PDE1C: variants seen among roughly 807,000 people sequenced by gnomAD.
PDE1C encodes dual specificity calcium/calmodulin-dependent 3',5'-cyclic nucleotide phosphodiesterase 1C.
PDE1C carries 62 observed loss-of-function variants against 93.1 expected under a neutral mutation model. The observed-to-expected ratio is 0.67, with a 90% CI of 0.54 to 0.82. PDE1C has a LOEUF of 0.82. PDE1C is among the 40% of genes least tolerant of loss of function. The pLI is 0.00. For missense variants in PDE1C, 742 were observed against 884.6 expected (o/e 0.84, Z 2.04); for synonymous variants, 325 against 310.1 (o/e 1.05, Z -0.50).
chr7:32,296,765 C>A (rs1286665034), intron 1 of PDE1C, among the ~76,000 whole-genome samples: 1 of 152,202 alleles, frequency 6.6e-6, no homozygotes, highest in East Asian at 1.9e-4. Context: ...GTCAAGAAAA[C>A]CAATTTAACA....
At chr7:31,808,294 T>A (rs1456906182) in intron 16 of PDE1C, 1 of 376,802 alleles carries the variant, frequency 2.7e-6, no homozygotes, top group Admixed American at 3.4e-5. Flanking sequence ...GAAACTTTAA[T>A]TTTTAGCTTA....
At chr7:31,964,508 T>C (rs1223280393) in intron 2 of PDE1C, among the ~76,000 whole-genome samples, 1 of 152,234 alleles carries the variant, frequency 6.6e-6, no homozygotes, top group Admixed American at 6.5e-5. Context: ...CCTGCCTGCC[T>C]CTGTAGGCTC....
the PDE1C span, among the ~76,000 whole-genome samples, chr7:31,685,040 T>C: frequency 6.6e-6 from 1 of 152,012 alleles, no homozygotes; most frequent in Non-Finnish European, 1.5e-5. Flanking sequence ...GTCCATTCTA[T>C]GGAATACTAT....
chr7:32,350,584 ATATATATT>A (rs1481109802), intron 1 of PDE1C, among the ~76,000 whole-genome samples: 2 of 272 alleles, frequency 7.4e-3, no homozygotes, highest in African/African-American at 9.2e-3. Flanking sequence ...ATATATATAT[ATATATATT>A]TTTTTTTTTT....
At chr7:32,174,669 T>A (rs1315100873) in intron 2 of PDE1C, among the ~76,000 whole-genome samples, 1 of 151,770 alleles carries the variant, frequency 6.6e-6, no homozygotes, top group Non-Finnish European at 1.5e-5. Context: ...TTGAATAAAA[T>A]GCTACTCATT....
In PDE1C at chr7:32,274,372, C is replaced by CT. The variant is rs35725532; in HGVS notation, c.85+24278dup. On this transcript the variant is annotated intron_variant, in intron 1 of 18. Coordinates refer to the PDE1C transcript ENST00000396193. The stretch of plus-strand genomic sequence containing the variant: ...ACAGGTGTGCACCAGCATGTCTGGC[C>CT]TTTTTTTTTTTTTTTCTTAAGAAAT... 8.1e-3 allele frequency among the ~76,000 whole-genome samples: 1,077 copies of CT among 132,638 alleles called. 21 individuals carry two copies. The highest frequency in any genetic ancestry group is 0.019 in the Middle Eastern group (5 of 266). 87.0% of individuals were successfully genotyped at this position (132,638 alleles called of 152,430 possible). A position where few individuals can be genotyped will look rare whatever the true frequency, so the allele number is the denominator to read the frequency against.
intron 1 of PDE1C, among the ~76,000 whole-genome samples, chr7:32,407,075 A>G (rs1323394115): frequency 2.0e-5 from 3 of 152,178 alleles, no homozygotes. Flanking sequence ...GGAGCTCGAG[A>G]CCAGCCTGGC....
At chr7:31,936,192 C>T (rs1476221866) in intron 2 of PDE1C, among the ~76,000 whole-genome samples, 1 of 151,746 alleles carries the variant, frequency 6.6e-6, no homozygotes. Flanking sequence ...GCTATATACT[C>T]AACATTTGTT....
chr7:31,824,571 G>T (rs1374910556), intron 13 of PDE1C, among the ~76,000 whole-genome samples: 2 of 152,080 alleles, frequency 1.3e-5, no homozygotes, highest in Non-Finnish European at 2.9e-5. Flanking sequence ...TATTACATGA[G>T]CAAGGATTGT....
intron 2 of PDE1C, among the ~76,000 whole-genome samples, chr7:31,907,826 G>A (rs946874560): frequency 7.2e-5 from 11 of 151,952 alleles, no homozygotes; most frequent in African/African-American, 2.4e-4. Flanking sequence ...CTTGTACAGA[G>A]TAATTTACTT....
At chr7:31,824,725 A>T in intron 13 of PDE1C, 142 bp downstream of exon 13, 1 of 1,017,084 alleles carries the variant, frequency 9.8e-7, no homozygotes, top group South Asian at 1.6e-5. Flanking sequence ...CTCTGAGAAA[A>T]GGAAAGAGGC....
intron 2 of PDE1C, among the ~76,000 whole-genome samples, chr7:31,911,697 T>C (rs532649572): frequency 1.3e-5 from 2 of 152,170 alleles, no homozygotes; most frequent in Non-Finnish European, 2.9e-5. Flanking sequence ...CACTGAAAAC[T>C]GTCACCACCA....
At chr7:32,235,270 G>A (rs1240713209) in intron 1 of PDE1C, among the ~76,000 whole-genome samples, 1 of 151,960 alleles carries the variant, frequency 6.6e-6, no homozygotes, top group Non-Finnish European at 1.5e-5. Context: ...CCTAGCCAGT[G>A]CAATAAGGCA....
At chr7:31,738,833 C>T in the PDE1C span, among the ~76,000 whole-genome samples, 1 of 152,156 alleles carries the variant, frequency 6.6e-6, no homozygotes, top group African/African-American at 2.4e-5. Context: ...GCATGTTCTC[C>T]CAGGTAGACC....
At chr7:31,793,259 G>A (rs189746144) in intron 16 of PDE1C, among the ~76,000 whole-genome samples, 167 of 152,160 alleles carry the variant, frequency 1.1e-3, no homozygotes, top group African/African-American at 3.7e-3. Flanking sequence ...TTCTAAAGAT[G>A]TGTTTATCCA....
chr7:32,294,707 C>T (rs1812528828), intron 1 of PDE1C, among the ~76,000 whole-genome samples: 4 of 152,222 alleles, frequency 2.6e-5, no homozygotes. Context: ...GACATCCAAA[C>T]TCCAGAAGGA....
At chr7:31,688,055 T>C in the PDE1C span, among the ~76,000 whole-genome samples, 419 of 152,322 alleles carry the variant, frequency 2.8e-3, 1 homozygote, top group African/African-American at 9.3e-3. Flanking sequence ...GAGATAATTC[T>C]GATAGATCAA....
the PDE1C span, among the ~76,000 whole-genome samples, chr7:31,730,917 A>T: frequency 1.3e-5 from 2 of 152,096 alleles, no homozygotes; most frequent in South Asian, 4.1e-4. Flanking sequence ...AGGAAGCAAC[A>T]AAAAATGGAC....
intron 3 of PDE1C, among the ~76,000 whole-genome samples, chr7:32,153,949 T>G (rs1028156477): frequency 6.6e-6 from 1 of 152,212 alleles, no homozygotes; most frequent in Non-Finnish European, 1.5e-5. Flanking sequence ...CCTAGTGATA[T>G]TTTATAATTT....
Sources: gnomAD v4.1 joint callset for allele counts (sites outside exome capture counted in the v4.1 genomes callset) on GRCh38, gnomAD v4.1.1 for gene constraint, MANE v1.5 for transcripts, NCBI Gene and HGNC (gene_info 2026-07-23, HGNC 2026-07-21) for gene names.